The following TENM3 variants were observed in gnomAD, a reference collection of about 807,000 sequenced individuals.
TENM3 encodes teneurin-3.
Under a neutral mutation model 255.1 loss-of-function variants are expected in TENM3, and 63 were observed. The observed-to-expected ratio is 0.25, with a 90% CI of 0.20 to 0.30. The LOEUF is 0.30. Among genes scored for constraint, TENM3 ranks in the 10% least tolerant of loss-of-function variants. The pLI, the probability that TENM3 is intolerant of heterozygous loss-of-function variation, is 1.00. For missense variants in TENM3, 2,929 were observed against 3,461.1 expected (o/e 0.85, Z 3.86); for synonymous variants, 1,306 against 1,322.3 (o/e 0.99, Z 0.27).
the TENM3 span, among the ~76,000 whole-genome samples, chr4:181,614,562 T>C: frequency 1.3e-5 from 2 of 152,156 alleles, no homozygotes; most frequent in Non-Finnish European, 1.5e-5. Flanking sequence ...TGCCCAAGGA[T>C]CTCCATATTC....
the TENM3 span, among the ~76,000 whole-genome samples, chr4:181,641,236 G>A: frequency 6.6e-6 from 1 of 151,790 alleles, no homozygotes. Flanking sequence ...TGCAGAACGT[G>A]CAGGTTTGTT....
chr4:182,496,483 G>A (rs1472925980), intron 3 of TENM3, among the ~76,000 whole-genome samples: 1 of 151,742 alleles, frequency 6.6e-6, no homozygotes, highest in Non-Finnish European at 1.5e-5. Flanking sequence ...TGTGTCTTGG[G>A]TTAGTATTTG....
chr4:181,460,329 G>A, the TENM3 span, among the ~76,000 whole-genome samples: 4 of 151,750 alleles, frequency 2.6e-5, no homozygotes, highest in Non-Finnish European at 4.4e-5. Context: ...GAAAATAGAC[G>A]ACCTGCCTTA....
At chr4:181,472,859 C>T in the TENM3 span, among the ~76,000 whole-genome samples, 7 of 152,056 alleles carry the variant, frequency 4.6e-5, no homozygotes, top group Non-Finnish European at 1.0e-4. Context: ...CCTTACAGAA[C>T]AATAGAAAGA....
At chr4:182,271,439 A>G (rs1309649675) in intron 1 of TENM3, among the ~76,000 whole-genome samples, 1 of 152,026 alleles carries the variant, frequency 6.6e-6, no homozygotes, top group Admixed American at 6.5e-5. Context: ...TCCTTCCACC[A>G]TGCATAGGTG....
At chr4:181,952,764 C>T in the TENM3 span, among the ~76,000 whole-genome samples, 8 of 152,342 alleles carry the variant, frequency 5.3e-5, no homozygotes, top group African/African-American at 1.9e-4. Flanking sequence ...GCCTCAGATT[C>T]GGAGATCAGT....
chr4:181,630,225 T>C, the TENM3 span, among the ~76,000 whole-genome samples: 1 of 152,224 alleles, frequency 6.6e-6, no homozygotes, highest in African/African-American at 2.4e-5. Context: ...GATTCTTCTC[T>C]CTTTACATCT....
At chr4:181,632,313 C>T in the TENM3 span, among the ~76,000 whole-genome samples, 53 of 152,212 alleles carry the variant, frequency 3.5e-4, no homozygotes, top group Middle Eastern at 3.4e-3. Context: ...GGAAATCCAC[C>T]TCCATGATCC....
At chr4:181,494,827 C>A in the TENM3 span, among the ~76,000 whole-genome samples, 2 of 152,208 alleles carry the variant, frequency 1.3e-5, no homozygotes, top group South Asian at 2.1e-4. Context: ...GTTAATTTCC[C>A]CAATTAAAAT....
the TENM3 span, among the ~76,000 whole-genome samples, chr4:181,481,946 T>C: frequency 6.6e-6 from 1 of 152,146 alleles, no homozygotes; most frequent in Non-Finnish European, 1.5e-5. Flanking sequence ...ATGTTTCAGA[T>C]TTTGTTCTTT....
chr4:181,588,556 G>A, the TENM3 span, among the ~76,000 whole-genome samples: 653 of 152,260 alleles, frequency 4.3e-3, 2 homozygotes, highest in African/African-American at 0.015. Flanking sequence ...TGTAGTACAC[G>A]TAGTTCAGGA....
At chr4:182,440,807 T>C (rs2151254020) in intron 3 of TENM3, among the ~76,000 whole-genome samples, 1 of 152,214 alleles carries the variant, frequency 6.6e-6, no homozygotes, top group South Asian at 2.1e-4. Context: ...TGAGCATAAA[T>C]TGTAGCTCTA....
intron 1 of TENM3, among the ~76,000 whole-genome samples, chr4:182,319,742 C>T (rs183418048): frequency 3.1e-4 from 47 of 152,306 alleles, no homozygotes; most frequent in Non-Finnish European, 5.9e-4. Context: ...AAAGAACGTA[C>T]TGATTATCTA....
chr4:182,037,990 C>A, the TENM3 span, among the ~76,000 whole-genome samples: 1 of 152,134 alleles, frequency 6.6e-6, no homozygotes, highest in Non-Finnish European at 1.5e-5. Flanking sequence ...TGCCACTGTG[C>A]CTGGGCCAAA....
chr4:181,784,224 T>G, the TENM3 span, among the ~76,000 whole-genome samples: 1 of 152,082 alleles, frequency 6.6e-6, no homozygotes, highest in Non-Finnish European at 1.5e-5. Flanking sequence ...TTAAGCAATA[T>G]TTCTTCTTTA....
chr4:182,603,457 T>A (rs1032556270), intron 4 of TENM3, among the ~76,000 whole-genome samples: 1 of 152,074 alleles, frequency 6.6e-6, no homozygotes, highest in African/African-American at 2.4e-5. Flanking sequence ...CATCTTACAG[T>A]GTCGCTAATC....
At chr4:181,475,991 A>G in the TENM3 span, among the ~76,000 whole-genome samples, 9 of 152,304 alleles carry the variant, frequency 5.9e-5, no homozygotes, top group South Asian at 1.9e-3. Context: ...CCAGCGGGGA[A>G]GTCAGAATGG....
chr4:182,125,689 A>C, the TENM3 span, among the ~76,000 whole-genome samples: 1 of 152,156 alleles, frequency 6.6e-6, no homozygotes, highest in African/African-American at 2.4e-5. Context: ...AGTGAATAAA[A>C]TAAAGAAAGT....
chr4:182,169,868 C>G (rs1242720093), intron 1 of TENM3, among the ~76,000 whole-genome samples: 1 of 151,944 alleles, frequency 6.6e-6, no homozygotes, highest in Non-Finnish European at 1.5e-5. Flanking sequence ...GAGGATTCAA[C>G]TTGCTGACAG....
Sources: allele counts gnomAD v4.1 joint callset (sites outside exome capture counted in the v4.1 genomes callset), GRCh38; gene constraint gnomAD v4.1.1; transcripts MANE v1.5; gene names NCBI Gene and HGNC (gene_info 2026-07-23, HGNC 2026-07-21).